Variants in ACSL4 observed in about 807,000 individuals in gnomAD.
ACSL4 encodes the protein acyl-CoA synthetase long chain family member 4, also known as long-chain-fatty-acid--CoA ligase 4.
ACSL4 carries 9 observed loss-of-function variants against 49.1 expected under a neutral mutation model. The observed-to-expected ratio is 0.18, with a 90% confidence interval of 0.11 to 0.32. The LOEUF (loss-of-function observed/expected upper bound fraction) is 0.32, where lower values mean the gene tolerates loss of function less well. ACSL4 is among the 10% of genes least tolerant of loss of function. The pLI is 1.00. For missense variants in ACSL4, 333 were observed against 493.7 expected (o/e 0.67, Z 3.08); for synonymous variants, 191 against 170.3 (o/e 1.12, Z -0.95).
At chrX:109,674,951 A>G (rs1342925443) in intron 8 of ACSL4, among the ~76,000 whole-genome samples, 1 of 112,566 alleles carries the variant, frequency 8.9e-6, no homozygotes, top group East Asian at 2.7e-4. Flanking sequence ...CTAGTTGGTA[A>G]GATACTGAGA....
intron 15 of ACSL4, among the ~76,000 whole-genome samples, chrX:109,646,004 A>C (rs1360035237): frequency 4.5e-5 from 5 of 112,165 alleles, no homozygotes; most frequent in Middle Eastern, 4.7e-3. Context: ...AAAGCCTCCA[A>C]GAAATATGGG....
chrX:109,670,870 G>A (rs1004855344), intron 9 of ACSL4, among the ~76,000 whole-genome samples: 2 of 112,677 alleles, frequency 1.8e-5, no homozygotes, highest in Non-Finnish European at 3.8e-5. Flanking sequence ...TGAGTGATCT[G>A]CCAGCCTCGG....
Position 109,668,101 on chromosome X carries a change from C to T in ACSL4, c.1315G>A (p.Val439Ile), listed in dbSNP as rs778712018. 1 of 1,194,649 alleles carries T rather than the reference C, an allele frequency of 8.4e-7. No homozygotes were observed. The highest frequency in any genetic ancestry group is 1.1e-6 in the Non-Finnish European group (1 of 881,744). Residue 439 changes from valine to isoleucine, a missense_variant and splice_region_variant, in exon 11 of 16, where the codon GTA becomes ATA. Coordinates refer to ENST00000672401, the MANE Select transcript of ACSL4 (RefSeq NM_001318510.2). Reference sequence around the variant, plus strand: ...TATTTACCACATTAATAATGCTTACCTTCAGTAACTGTCCCAGCACCACAT... The same window carrying T: ...TATTTACCACATTAATAATGCTTACTTTCAGTAACTGTCCCAGCACCACAT... ...ESCGAGTVTE[V>I]TDYTTGRVGA...
In ACSL4 at chrX:109,642,596, T is replaced by C. The variant is rs1934478202; in HGVS notation, c.*1433A>G. 1 of 111,157 alleles carries C rather than the reference T, an allele frequency of 9.0e-6. No homozygotes were observed. Among genetic ancestry groups the C allele is most frequent in the African/African-American group, 3.3e-5 (1 of 30,498 alleles). 9.2% of individuals were successfully genotyped at this position (111,157 alleles called of 1,213,427 possible). A position where few individuals can be genotyped will look rare whatever the true frequency, so the allele number is the denominator to read the frequency against. On this transcript the variant is annotated 3_prime_UTR_variant, in exon 16 of 16. Transcript: ENST00000672401. ...CATAAGCAACACACACACACACATA[T>C]ATATATGCATATATATAAAAAATGA...
At chrX:109,663,899 GC>G (rs1248625183) in intron 12 of ACSL4, among the ~76,000 whole-genome samples, 1 of 111,338 alleles carries the variant, frequency 9.0e-6, no homozygotes, top group African/African-American at 3.3e-5. Context: ...TATTAATTTT[GC>G]CTGTGGCCAG....
Position 109,683,313 on chromosome X carries a change from T to A in ACSL4, c.51A>T (p.Pro17=). The A allele has an allele frequency of 8.3e-7, 1 of 1,212,119 alleles. No homozygotes were observed. Among genetic ancestry groups the A allele is most frequent in the Non-Finnish European group, 1.1e-6 (1 of 895,606 alleles). The change falls in exon 3 of 16, where the codon CCA becomes CCT. Residue 17 remains proline (P), a synonymous_variant. Coordinates refer to ENST00000672401, the MANE Select transcript of ACSL4 (RefSeq NM_001318510.2). ...AGTCGAAGTGTGTGACAGAGCGATA[T>A]GGACTTCCAGGTTTGTCTGAAGTGG... ...AKPTSDKPGS[P]YRSVTHFDSL...
At chrX:109,706,298 A>G (rs1926350958) in intron 1 of ACSL4, among the ~76,000 whole-genome samples, 1 of 112,305 alleles carries the variant, frequency 8.9e-6, no homozygotes, top group African/African-American at 3.2e-5. Context: ...GCTTCCCTCT[A>G]TACTAAAGTT....
intron 15 of ACSL4, among the ~76,000 whole-genome samples, chrX:109,644,629 C>T (rs1345353394): frequency 1.8e-5 from 2 of 112,236 alleles, no homozygotes; most frequent in African/African-American, 6.5e-5. Flanking sequence ...ACCACCACCC[C>T]GGAGAGGACA....
intron 1 of ACSL4, among the ~76,000 whole-genome samples, chrX:109,708,228 G>A (rs1926503220): frequency 1.8e-5 from 2 of 112,748 alleles, no homozygotes; most frequent in African/African-American, 6.4e-5. Flanking sequence ...TTACAGGCAT[G>A]AGCCACTGCA....
intron 1 of ACSL4, among the ~76,000 whole-genome samples, chrX:109,707,824 A>G (rs1014854048): frequency 8.9e-6 from 1 of 112,403 alleles, no homozygotes; most frequent in African/African-American, 3.2e-5. Flanking sequence ...GAGTATGAGA[A>G]AATGTTTAAG....
intron 1 of ACSL4, among the ~76,000 whole-genome samples, chrX:109,731,879 C>T (rs1928485656): frequency 8.9e-6 from 1 of 112,256 alleles, no homozygotes; most frequent in South Asian, 3.6e-4. Context: ...TGCTCAATGG[C>T]AGTACCATCA....
In ACSL4 at chrX:109,643,049, T is replaced by C. The variant is rs890302342; in HGVS notation, c.*980A>G. ...CAGCAAACAGACCTTAAATTACAAA[T>C]GTAATTTAATACATGTACATTTTAA... is the stretch of plus-strand genomic sequence containing the variant. On this transcript the variant is annotated 3_prime_UTR_variant, in exon 16 of 16. Coordinates refer to ENST00000672401, the MANE Select transcript of ACSL4 (RefSeq NM_001318510.2). 1 of 112,084 alleles carries C rather than the reference T, an allele frequency of 8.9e-6. No individual in the cohort carries two copies. The highest frequency in any genetic ancestry group is 1.9e-5 in the Non-Finnish European group (1 of 53,043). 9.2% of individuals were successfully genotyped at this position (112,084 alleles called of 1,213,427 possible). A position where few individuals can be genotyped will look rare whatever the true frequency, so the allele number is the denominator to read the frequency against.
At chrX:109,704,237 T>C (rs1926181687) in intron 1 of ACSL4, among the ~76,000 whole-genome samples, 1 of 111,829 alleles carries the variant, frequency 8.9e-6, no homozygotes, top group African/African-American at 3.2e-5. Flanking sequence ...AGTATTCTGA[T>C]AGTTTTCACT....
chrX:109,727,652 T>C (rs1055605156), intron 1 of ACSL4, among the ~76,000 whole-genome samples: 15 of 90,929 alleles, frequency 1.6e-4, no homozygotes, highest in Non-Finnish European at 3.3e-4. Flanking sequence ...GGGTAGTTTG[T>C]TAAATTGTGT....
intron 1 of ACSL4, among the ~76,000 whole-genome samples, chrX:109,699,845 TA>T (rs1296338638): frequency 9.0e-6 from 1 of 111,077 alleles, no homozygotes; most frequent in Non-Finnish European, 1.9e-5. Context: ...AAAACAGTAC[TA>T]AAAAACTGTC....
rs772433407 is a variant in ACSL4, at chrX:109,715,131, T to C, written c.-66+18008A>G. 1.3e-4 allele frequency among the ~76,000 whole-genome samples: 14 copies of C among 111,995 alleles called. No homozygotes were observed. In the South Asian group the frequency reaches 4.4e-3, roughly 35 times the overall value. On this transcript the variant is annotated intron_variant, in intron 1 of 15. Coordinates refer to ENST00000672401, the MANE Select transcript of ACSL4 (RefSeq NM_001318510.2). ...CCGTATTTTGTTTTATGTTTTTATA[T>C]ACATACGTTTTCTAAAATAAACATG...
At position 109,654,164 on chromosome X, in the gene ACSL4, G is replaced by C. The variant is rs770558423; in HGVS notation, c.1855+5190C>G. The stretch of plus-strand genomic sequence containing the variant: ...AATAGGGACTTAAATGGCTATTTAT[G>C]CACTGGGACTATTTAGTATTTAAAA... On this transcript the variant is annotated intron_variant, in intron 15 of 15. Coordinates refer to ENST00000672401, the MANE Select transcript of ACSL4 (RefSeq NM_001318510.2). 1.0e-4 allele frequency among the ~76,000 whole-genome samples: 11 copies of C among 109,990 alleles called. No homozygotes were observed. In the South Asian group the frequency reaches 4.2e-3, roughly 42 times the overall value.
intron 8 of ACSL4, among the ~76,000 whole-genome samples, chrX:109,675,929 T>C (rs1328363301): frequency 8.9e-6 from 1 of 112,129 alleles, no homozygotes; most frequent in Admixed American, 9.5e-5. Context: ...TAAGTGTGAA[T>C]TTATAGCTGA....
intron 15 of ACSL4, among the ~76,000 whole-genome samples, chrX:109,655,608 CA>C (rs1173374253): frequency 9.0e-6 from 1 of 110,972 alleles, no homozygotes; most frequent in Non-Finnish European, 1.9e-5. Context: ...AATGAACAAA[CA>C]AAAGATAAAT....
Sources: gnomAD v4.1 joint callset for allele counts (sites outside exome capture counted in the v4.1 genomes callset) on GRCh38, gnomAD v4.1.1 for gene constraint, MANE v1.5 for transcripts, NCBI Gene and HGNC (gene_info 2026-07-23, HGNC 2026-07-21) for gene names.